Variants in PHACTR3 observed in about 807,000 individuals in gnomAD.
The protein encoded by PHACTR3 is phosphatase and actin regulator 3.
Under a neutral mutation model 66.8 loss-of-function variants are expected in PHACTR3, and 16 were observed. The observed-to-expected ratio is 0.24, with a 90% CI of 0.16 to 0.36. PHACTR3 has a LOEUF of 0.36. Among genes scored for constraint, PHACTR3 ranks in the 10% least tolerant of loss-of-function variants. The probability of loss-of-function intolerance (pLI) is 1.00; values close to 1 mark genes in which losing one functional copy is unlikely to be tolerated. For synonymous variants in PHACTR3, 323 were observed against 292.1 expected, an observed-to-expected ratio of 1.11 and a Z score of -1.08; for missense variants, 647 against 719.9, an observed-to-expected ratio of 0.90 and a Z score of 1.16.
rs963555620 is a variant in PHACTR3 at position 59,738,501 on chromosome 20, C to A, written c.119-4606C>A. Among the ~76,000 whole-genome samples, 2 of 151,796 alleles carry A rather than the reference C, an allele frequency of 1.3e-5. No homozygotes were observed. The highest frequency in any genetic ancestry group is 2.9e-5 in the Non-Finnish European group (2 of 67,970). The stretch of plus-strand genomic sequence containing the variant: ...TGGGGCAGGGATGCTGGTACTGGAC[C>A]AGGGTTGTTATGATGCAGGTGGCAA... On this transcript the variant is annotated intron_variant, in intron 1 of 12. Coordinates refer to ENST00000371015, the MANE Select transcript of PHACTR3 (RefSeq NM_080672.5). The surrounding 1 kb of genome is among the most constrained non-coding windows in gnomAD (Gnocchi z 4.4).
intron 1 of PHACTR3, among the ~76,000 whole-genome samples, chr20:59,663,804 A>G (rs1211299987): frequency 6.6e-6 from 1 of 152,206 alleles, no homozygotes; most frequent in African/African-American, 2.4e-5. Flanking sequence ...CGGAGATGAA[A>G]ACACTTGGGA....
At chr20:59,790,326 A>G (rs2041051648) in intron 7 of PHACTR3, among the ~76,000 whole-genome samples, 1 of 152,202 alleles carries the variant, frequency 6.6e-6, no homozygotes, top group Non-Finnish European at 1.5e-5. Context: ...GACTGGTTCT[A>G]AAAGCAGTAG....
chr20:59,585,987 AT>A (rs1204613176), intron 1 of PHACTR3, among the ~76,000 whole-genome samples: 1 of 152,080 alleles, frequency 6.6e-6, no homozygotes, highest in Non-Finnish European at 1.5e-5. Flanking sequence ...GTCTTGAATG[AT>A]TTACACACCT....
intron 2 of PHACTR3, among the ~76,000 whole-genome samples, chr20:59,747,361 A>G (rs549601926): frequency 6.6e-6 from 1 of 152,326 alleles, no homozygotes; most frequent in South Asian, 2.1e-4. Flanking sequence ...GCGAACAGGA[A>G]CCACGGAAAG....
chr20:59,827,252 G>A (rs191809262), intron 8 of PHACTR3, among the ~76,000 whole-genome samples: 49 of 152,236 alleles, frequency 3.2e-4, no homozygotes, highest in African/African-American at 1.2e-3. Flanking sequence ...CGTGATCTTG[G>A]TGCCTCACCT....
chr20:59,695,817 C>T (rs1289523213), intron 1 of PHACTR3, among the ~76,000 whole-genome samples: 3 of 151,912 alleles, frequency 2.0e-5, no homozygotes, highest in Non-Finnish European at 2.9e-5. Flanking sequence ...ACTGCAATGT[C>T]CACCTCTCGG....
At chr20:59,710,612 C>T (rs1161886393) in intron 1 of PHACTR3, among the ~76,000 whole-genome samples, 1 of 152,178 alleles carries the variant, frequency 6.6e-6, no homozygotes, top group Non-Finnish European at 1.5e-5. Context: ...CCTCTTTCTA[C>T]AGAGCCTTCC....
At chr20:59,639,506 C>T (rs1205766786) in intron 1 of PHACTR3, among the ~76,000 whole-genome samples, 1 of 152,156 alleles carries the variant, frequency 6.6e-6, no homozygotes, top group East Asian at 1.9e-4. Context: ...CATCTTCTCC[C>T]CACGTTCCTA....
chr20:59,604,580 CT>C lies in PHACTR3; in HGVS notation c.-429del. On this transcript the variant is annotated 5_prime_UTR_variant, in exon 1 of 13. Transcript: ENST00000371015. ...CAAGAGCAAAGATTCTTCCTTTTCC[CT>C]TTTTTCCTGGGGGGGTGGGGGGTGG... is the stretch of plus-strand genomic sequence containing the variant. 1 of 876,926 alleles carries C rather than the reference CT, an allele frequency of 1.1e-6. No individual in the cohort carries two copies. Among genetic ancestry groups the C allele is most frequent in the Non-Finnish European group, 1.3e-6 (1 of 752,590 alleles). The allele number at this position is 876,926 out of a possible 1,614,324, so 54.3% of individuals were successfully genotyped here.
At chr20:59,618,242 G>A (rs916905193) in intron 1 of PHACTR3, among the ~76,000 whole-genome samples, 1 of 152,210 alleles carries the variant, frequency 6.6e-6, no homozygotes, top group African/African-American at 2.4e-5. Context: ...GGGGAGCTGG[G>A]AGCCAGACGG....
rs540570011 is a variant in PHACTR3 at position 59,839,144 on chromosome 20, C to T, written c.1385-1225C>T. Among the ~76,000 whole-genome samples the T allele has an allele frequency of 3.3e-5, 5 of 152,246 alleles. No individual in the cohort carries two copies. In the South Asian group the frequency reaches 8.3e-4, roughly 25 times the overall value. ...AAGAAATCTGAAACATTTTACGTCA[C>T]GTAAATCCCTCATGGCTTGCCTTGT... On this transcript the variant is annotated intron_variant, in intron 9 of 12. Transcript: ENST00000371015.
intron 4 of PHACTR3, among the ~76,000 whole-genome samples, chr20:59,757,721 A>T (rs2039852119): frequency 6.6e-6 from 1 of 152,236 alleles, no homozygotes; most frequent in Non-Finnish European, 1.5e-5. Context: ...GGAAGCCAAG[A>T]CAGGAGAATC....
chr20:59,580,807 T>TG (rs2032834846), intron 1 of PHACTR3, among the ~76,000 whole-genome samples: 1 of 152,212 alleles, frequency 6.6e-6, no homozygotes, highest in Non-Finnish European at 1.5e-5. Context: ...GAAATCTTAA[T>TG]GACAACCAGC....
intron 1 of PHACTR3, among the ~76,000 whole-genome samples, chr20:59,635,107 C>CT (rs1176679038): frequency 1.7e-5 from 1 of 59,108 alleles, no homozygotes; most frequent in Non-Finnish European, 3.4e-5. Flanking sequence ...CTCTCTCTTT[C>CT]TTTCTTTCTT....
chr20:59,711,524 G>C (rs898014338), intron 1 of PHACTR3, among the ~76,000 whole-genome samples: 11 of 152,106 alleles, frequency 7.2e-5, no homozygotes, highest in African/African-American at 2.7e-4. Context: ...GTTTTGTCCT[G>C]ATAAACTCAT....
At chr20:59,781,066 G>T (rs1425980201) in intron 7 of PHACTR3, among the ~76,000 whole-genome samples, 2 of 152,242 alleles carry the variant, frequency 1.3e-5, no homozygotes, top group Non-Finnish European at 1.5e-5. Flanking sequence ...CTCCCAGTTT[G>T]TCAATGTTCC....
intron 1 of PHACTR3, among the ~76,000 whole-genome samples, chr20:59,688,121 T>C (rs961987863): frequency 6.6e-6 from 1 of 152,230 alleles, no homozygotes; most frequent in East Asian, 1.9e-4. Flanking sequence ...TATTTTTGGA[T>C]ATTGATTCTG....
intron 3 of PHACTR3, among the ~76,000 whole-genome samples, chr20:59,753,299 G>A (rs1024823233): frequency 4.4e-4 from 67 of 152,298 alleles, no homozygotes; most frequent in Non-Finnish European, 6.2e-4. Context: ...GGATGAGATC[G>A]TCCAGCCCTA....
rs1676552057 is a variant in PHACTR3, at chr20:59,605,124, A to G, written c.110A>G (p.Glu37Gly). The change falls in exon 1 of 13, where the codon GAG (glutamate) becomes GGG (glycine). Residue 37 changes from glutamate (E) to glycine (G), a missense_variant. By Grantham distance (98) the Glu-to-Gly change is moderately conservative. Coordinates refer to ENST00000371015, the MANE Select transcript of PHACTR3 (RefSeq NM_080672.5). ...GCCACCTCCTCCGCGGACGCCGGGG[A>G]GAACCCAGGTAACGGGCTGGGCGGG... The part of the protein sequence containing the change: ...SSATSSADAG[E>G]NPDEMDQTPP... The G allele has an allele frequency of 1.5e-6, 2 of 1,346,322 alleles. No individual in the cohort carries two copies. The highest frequency in any genetic ancestry group is 1.9e-5 in the South Asian group (1 of 52,438). 83.4% of individuals were successfully genotyped at this position (1,346,322 alleles called of 1,614,324 possible). A position where few individuals can be genotyped will look rare whatever the true frequency, so the allele number is the denominator to read the frequency against.
Sources: allele counts gnomAD v4.1 joint callset (sites outside exome capture counted in the v4.1 genomes callset), GRCh38; gene constraint gnomAD v4.1.1; non-coding constraint Gnocchi (gnomAD v3.1); transcripts MANE v1.5; gene names NCBI Gene and HGNC (gene_info 2026-07-23, HGNC 2026-07-21).